The following PTPRD variants were observed in gnomAD, a reference collection of about 807,000 sequenced individuals.
The protein encoded by PTPRD is receptor-type tyrosine-protein phosphatase delta.
PTPRD carries 34 observed loss-of-function variants against 214.5 expected under a neutral mutation model. That is an observed-to-expected ratio of 0.16 (90% CI 0.12 to 0.21). PTPRD has a LOEUF of 0.21. Among genes scored for constraint, PTPRD ranks in the 10% least tolerant of loss-of-function variants. The pLI, the probability that PTPRD is intolerant of heterozygous loss-of-function variation, is 1.00. For synonymous variants in PTPRD, 1,128 were observed against 845.7 expected, an observed-to-expected ratio of 1.33 and a Z score of -5.79; for missense variants, 2,545 against 2,398.7, an observed-to-expected ratio of 1.06 and a Z score of -1.27.
intron 14 of PTPRD, among the ~76,000 whole-genome samples, chr9:8,630,778 G>T (rs555389945): frequency 6.6e-6 from 1 of 151,840 alleles, no homozygotes; most frequent in Admixed American, 6.6e-5. Flanking sequence ...TGAAACTCCA[G>T]CCAACTGAGA....
chr9:8,543,951 C>G (rs1012572875), intron 14 of PTPRD, among the ~76,000 whole-genome samples: 2 of 152,072 alleles, frequency 1.3e-5, no homozygotes, highest in African/African-American at 4.8e-5. Flanking sequence ...ACTTCATGAC[C>G]TGCCCACCTC....
chr9:9,957,130 G>A (rs10978135), intron 4 of PTPRD, among the ~76,000 whole-genome samples: 6,042 of 152,056 alleles, frequency 0.04, 145 homozygotes, highest in Non-Finnish European at 0.058. Context: ...TATTCATTTT[G>A]ACTCCACAAA....
chr9:9,690,153 G>A (rs10816165), intron 7 of PTPRD, among the ~76,000 whole-genome samples: 14,404 of 151,706 alleles, frequency 0.095, 1,178 homozygotes, highest in East Asian at 0.42. Flanking sequence ...TCCAGCATTC[G>A]TTATTGCCTG....
intron 3 of PTPRD, among the ~76,000 whole-genome samples, chr9:10,276,139 T>C (rs1056397021): frequency 6.6e-6 from 1 of 152,158 alleles, no homozygotes; most frequent in African/African-American, 2.4e-5. Flanking sequence ...CCATAGAAAA[T>C]GAATATTACA....
intron 5 of PTPRD, among the ~76,000 whole-genome samples, chr9:9,821,481 A>G (rs1292896777): frequency 6.6e-6 from 1 of 152,178 alleles, no homozygotes; most frequent in East Asian, 1.9e-4. Context: ...AATATTCCCT[A>G]GATATGTAGT....
intron 8 of PTPRD, among the ~76,000 whole-genome samples, chr9:9,439,487 C>G (rs960846417): frequency 6.6e-6 from 1 of 152,102 alleles, no homozygotes; most frequent in African/African-American, 2.4e-5. Context: ...CTCTGAACAA[C>G]CTGCTGCAAG....
At chr9:8,772,904 A>G (rs2095296868) in intron 11 of PTPRD, among the ~76,000 whole-genome samples, 1 of 152,142 alleles carries the variant, frequency 6.6e-6, no homozygotes, top group Non-Finnish European at 1.5e-5. Context: ...GATTCTTGGA[A>G]ACATTTTGAT....
intron 11 of PTPRD, among the ~76,000 whole-genome samples, chr9:8,793,580 G>T (rs78428504): frequency 0.034 from 5,149 of 152,268 alleles, 139 homozygotes; most frequent in African/African-American, 0.063. Flanking sequence ...ATATGACAAT[G>T]TCTAAGTCTT....
intron 11 of PTPRD, among the ~76,000 whole-genome samples, chr9:8,836,853 T>C (rs1349673136): frequency 6.6e-6 from 1 of 151,730 alleles, no homozygotes; most frequent in South Asian, 2.1e-4. Flanking sequence ...AACAGCTGAT[T>C]AGACTAGTAG....
At chr9:8,575,300 T>C (rs945847944) in intron 14 of PTPRD, among the ~76,000 whole-genome samples, 1 of 152,144 alleles carries the variant, frequency 6.6e-6, no homozygotes, top group Non-Finnish European at 1.5e-5. Flanking sequence ...GTGAATTGAG[T>C]ATCCAGTACC....
intron 10 of PTPRD, among the ~76,000 whole-genome samples, chr9:9,127,511 G>A: frequency 6.6e-6 from 1 of 152,192 alleles, no homozygotes; most frequent in Admixed American, 6.5e-5. Flanking sequence ...AGGGAGAAAT[G>A]TTTGGTAAAC....
At chr9:10,202,776 C>G (rs1241287929) in intron 3 of PTPRD, among the ~76,000 whole-genome samples, 1 of 148,390 alleles carries the variant, frequency 6.7e-6, no homozygotes, top group Non-Finnish European at 1.5e-5. Context: ...GTGGCCTAAC[C>G]TAAAACTTAA....
chr9:9,475,001 C>A (rs577079746), intron 8 of PTPRD, among the ~76,000 whole-genome samples: 1 of 152,130 alleles, frequency 6.6e-6, no homozygotes, highest in Admixed American at 6.5e-5. Flanking sequence ...GAAAACAGAC[C>A]AGCCAATGTA....
intron 32 of PTPRD, among the ~76,000 whole-genome samples, 168 bp from the exon 33 acceptor site, chr9:8,460,739 G>C (rs150233070): frequency 1.3e-5 from 2 of 152,048 alleles, no homozygotes; most frequent in East Asian, 3.9e-4. Context: ...AGAAAAGAAA[G>C]GATGGAAGAT....
At chr9:9,416,543 T>A (rs1298269233) in intron 8 of PTPRD, among the ~76,000 whole-genome samples, 1 of 152,172 alleles carries the variant, frequency 6.6e-6, no homozygotes, top group Non-Finnish European at 1.5e-5. Flanking sequence ...TGTGTGGCTT[T>A]TAAGGCTCTA....
intron 45 of PTPRD, among the ~76,000 whole-genome samples, chr9:8,318,652 C>T (rs980657813): frequency 1.3e-5 from 2 of 151,854 alleles, no homozygotes; most frequent in Admixed American, 1.3e-4. Flanking sequence ...GACTGGCTGC[C>T]CACATCAAAA....
intron 12 of PTPRD, among the ~76,000 whole-genome samples, chr9:8,709,821 T>C (rs1597609647): frequency 6.6e-6 from 1 of 151,988 alleles, no homozygotes; most frequent in East Asian, 1.9e-4. Flanking sequence ...ATAAAATATG[T>C]TTGGTGTGCT....
intron 14 of PTPRD, among the ~76,000 whole-genome samples, 162 bp downstream of exon 14, chr9:8,633,155 T>A (rs980118427): frequency 9.2e-5 from 14 of 152,128 alleles, no homozygotes; most frequent in African/African-American, 2.9e-4. Context: ...GACCCAAAAC[T>A]AGAGAAGGTA....
In PTPRD at chr9:9,058,442, G is replaced by GTTTTTTTTTTTTTTT. The variant is rs777910266; in HGVS notation, c.-142-39722_-142-39708dup. Among the ~76,000 whole-genome samples the GTTTTTTTTTTTTTTT allele has an allele frequency of 6.6e-3, 461 of 69,906 alleles. 136 individuals carry two copies. The highest frequency in any genetic ancestry group is 8.7e-3 in the Non-Finnish European group (331 of 38,068). 45.9% of individuals were successfully genotyped at this position (69,906 alleles called of 152,430 possible). A position where few individuals can be genotyped will look rare whatever the true frequency, so the allele number is the denominator to read the frequency against. On this transcript the variant is annotated intron_variant, in intron 10 of 45. Coordinates refer to ENST00000381196, the MANE Select transcript of PTPRD (RefSeq NM_002839.4). ...TATTGGTGAGAGAAATATTATGAGGGTTTTTTTTTTTTTTTTTTTTTTTTT... is the reference window on the plus strand; with the variant it reads ...TATTGGTGAGAGAAATATTATGAGGGTTTTTTTTTTTTTTTTTTTTTTTTTTTTTTTTTTTTTTTT...
Sources: gnomAD v4.1 joint callset for allele counts (sites outside exome capture counted in the v4.1 genomes callset) on GRCh38, gnomAD v4.1.1 for gene constraint, MANE v1.5 for transcripts, NCBI Gene and HGNC (gene_info 2026-07-23, HGNC 2026-07-21) for gene names.